Variants in NBL1 observed in about 807,000 individuals in gnomAD.
The protein encoded by NBL1 is neuroblastoma suppressor of tumorigenicity 1.
Under a neutral mutation model 16.0 loss-of-function variants are expected in NBL1, and 9 were observed. The ratio of observed to expected loss-of-function variants is 0.56; its 90% confidence interval spans 0.34 to 0.98. The LOEUF (loss-of-function observed/expected upper bound fraction) is 0.98, where lower values mean the gene tolerates loss of function less well. Ranked by LOEUF, NBL1 falls within the 50% of genes least tolerant of loss-of-function variation. The probability of loss-of-function intolerance (pLI) is 0.02; values close to 1 mark genes in which losing one functional copy is unlikely to be tolerated. For missense variants in NBL1, 196 were observed against 243.1 expected, an observed-to-expected ratio of 0.81 and a Z score of 1.29; for synonymous variants, 86 against 100.7, an observed-to-expected ratio of 0.85 and a Z score of 0.87.
intron 3 of NBL1, among the ~76,000 whole-genome samples, chr1:19,656,243 T>C (rs1408076842): frequency 6.6e-6 from 1 of 151,806 alleles, no homozygotes; most frequent in Non-Finnish European, 1.5e-5. Context: ...AAAAAGGTAC[T>C]TAGATGGGTG....
chr1:19,655,425 T>C lies in NBL1; in HGVS notation c.272T>C (p.Met91Thr), dbSNP rs374085720. 2.5e-6 allele frequency: 4 copies of C among 1,614,034 alleles called. No individual in the cohort carries two copies. The highest frequency in any genetic ancestry group is 3.4e-6 in the Non-Finnish European group (4 of 1,179,988). Residue 91 changes from methionine to threonine, a missense_variant, in exon 3 of 4, where the codon ATG becomes ACG. Transcript: ENST00000375136. ...GACTCCTGCATGCCAGCCCAGTCCATGTGGGAGATTGTGAGTACTGCCTGC... is the reference window on the plus strand; with the variant it reads ...GACTCCTGCATGCCAGCCCAGTCCACGTGGGAGATTGTGAGTACTGCCTGC... ...HCDSCMPAQS[M>T]WEIVTLECPG...
At chr1:19,645,451 AC>A (rs1458610568) in intron 1 of NBL1, 2 of 989,680 alleles carry the variant, frequency 2.0e-6, no homozygotes, top group African/African-American at 3.5e-5. Flanking sequence ...AGAAAGCCAC[AC>A]TTCCAGGCTT....
chr1:19,645,894 G>A, intron 1 of NBL1: 1 of 1,545,962 alleles, frequency 6.5e-7, no homozygotes, highest in South Asian at 1.2e-5. Flanking sequence ...AGGGTCGGAG[G>A]CTGCCGGAGC....
intron 1 of NBL1, chr1:19,645,456 C>T: frequency 3.0e-6 from 3 of 992,162 alleles, no homozygotes; most frequent in Non-Finnish European, 3.6e-6. Flanking sequence ...GCCACACTTC[C>T]AGGCTTTCGG....
At chr1:19,643,415 C>T, upstream of NBL1, 1 of 1,613,030 alleles carries the variant, frequency 6.2e-7, no homozygotes. The surrounding 1 kb of genome is among the most constrained non-coding windows in gnomAD (Gnocchi z 4.7). Flanking sequence ...TGCTGTAAAG[C>T]AAAATCCCCA....
At position 19,658,156 on chromosome 1, in the gene NBL1, G is replaced by A. The variant is rs529535662; in HGVS notation, c.*1027G>A. The stretch of plus-strand genomic sequence containing the variant: ...TGCGTGGACAGTCAGGGTTCACTTG[G>A]GCTCTCTCTAGCTCCCCAATTCTGC... On this transcript the variant is annotated 3_prime_UTR_variant, in exon 4 of 4. Coordinates refer to ENST00000375136, the MANE Select transcript of NBL1 (RefSeq NM_005380.8). The A allele has an allele frequency of 2.0e-5, 3 of 152,810 alleles. 1 individual carries two copies. The highest frequency in any genetic ancestry group is 4.8e-5 in the African/African-American group (2 of 41,444). The allele number at this position is 152,810 out of a possible 1,614,324, so 9.5% of individuals were successfully genotyped here. A position where few individuals can be genotyped will look rare whatever the true frequency, so the allele number is the denominator to read the frequency against.
chr1:19,643,365 T>TG (rs1254325092), upstream of NBL1: 1 of 1,613,954 alleles, frequency 6.2e-7, no homozygotes, highest in Admixed American at 1.7e-5. This position sits in a 1 kb window ranked among gnomAD's most constrained non-coding sequence, Gnocchi z 4.7. Flanking sequence ...TCTGGAAGTT[T>TG]CCAGCCAAGC....
In NBL1 at chr1:19,653,480, G is replaced by C. The variant is rs185940040; in HGVS notation, c.-19-1532G>C. Among the ~76,000 whole-genome samples, 29 of 152,250 alleles carry C rather than the reference G, an allele frequency of 1.9e-4. No homozygotes were observed. In the East Asian group the frequency reaches 5.2e-3, roughly 27 times the overall value. On this transcript the variant is annotated intron_variant, in intron 1 of 3. Transcript: ENST00000375136. ...AGGCCCCTCTAGGGACTGTCCCAAG[G>C]TAAAGAATCCCTGACTGAGCGCATA...
intron 1 of NBL1, among the ~76,000 whole-genome samples, chr1:19,646,480 G>A (rs1054662745): frequency 1.3e-5 from 2 of 152,316 alleles, no homozygotes; most frequent in East Asian, 1.9e-4. Context: ...GACCAGAGCC[G>A]GGGCCTGACC....
At chr1:19,644,058 C>G (rs2094962246), upstream of NBL1, 2 of 977,022 alleles carry the variant, frequency 2.0e-6, no homozygotes, top group South Asian at 9.5e-5. The surrounding 1 kb of genome is among the most constrained non-coding windows in gnomAD (Gnocchi z 4.6). Context: ...CGGGCGCCGG[C>G]CAGGCGTCCC....
chr1:19,648,293 G>A (rs2094996890), intron 1 of NBL1, among the ~76,000 whole-genome samples: 2 of 152,128 alleles, frequency 1.3e-5, no homozygotes, highest in South Asian at 4.1e-4. Context: ...GGGCTGGGGG[G>A]CCTCAGTGGC....
chr1:19,647,974 G>A (rs1488164081), intron 1 of NBL1, among the ~76,000 whole-genome samples: 7 of 152,048 alleles, frequency 4.6e-5, no homozygotes, highest in East Asian at 1.9e-4. Flanking sequence ...TGTGTTCTGC[G>A]TTCATAGGGG....
At chr1:19,654,045 C>T (rs2095042608) in intron 1 of NBL1, among the ~76,000 whole-genome samples, 1 of 152,202 alleles carries the variant, frequency 6.6e-6, no homozygotes, top group African/African-American at 2.4e-5. Context: ...GGTGAGGCAT[C>T]TTAGAGAACA....
intron 3 of NBL1, among the ~76,000 whole-genome samples, chr1:19,656,436 G>C (rs920679606): frequency 2.0e-5 from 3 of 151,308 alleles, no homozygotes; most frequent in African/African-American, 7.3e-5. Context: ...CAGGCAAAGG[G>C]AACAGCATGT....
chr1:19,657,230 G>A lies in NBL1; in HGVS notation c.*101G>A, dbSNP rs2095061593. ...AAGCTGAAGCCCCCCTTTGGCACTG[G>A]ATGGACTTGGCTTCAGACTCGGACT... On this transcript the variant is annotated 3_prime_UTR_variant, in exon 4 of 4. Coordinates refer to ENST00000375136, the MANE Select transcript of NBL1 (RefSeq NM_005380.8). The A allele has an allele frequency of 1.7e-6, 1 of 602,896 alleles. No homozygotes were observed. The highest frequency in any genetic ancestry group is 3.0e-5 in the Admixed American group (1 of 33,770). The allele number at this position is 602,896 out of a possible 1,614,324, so 37.3% of individuals were successfully genotyped here.
Position 19,644,567 on chromosome 1 carries a change from G to T in NBL1, c.-20+121G>T, listed in dbSNP as rs1252794787. On this transcript the variant is annotated intron_variant, in intron 1 of 3. Coordinates refer to ENST00000375136, the MANE Select transcript of NBL1 (RefSeq NM_005380.8). The surrounding 1 kb of genome is among the most constrained non-coding windows in gnomAD (Gnocchi z 4.6). ...GGCGCGTCCGGCGGCCGCGGGCACC[G>T]GGTGGAGGCGCCGCCGCCGAGCTCA... is the stretch of plus-strand genomic sequence containing the variant. 1.9e-6 allele frequency: 1 copy of T among 523,192 alleles called. No homozygotes were observed. The highest frequency in any genetic ancestry group is 2.0e-5 in the African/African-American group (1 of 48,908). The allele number at this position is 523,192 out of a possible 1,614,324, so 32.4% of individuals were successfully genotyped here.
At chr1:19,654,006 G>A (rs2095042426) in intron 1 of NBL1, among the ~76,000 whole-genome samples, 1 of 152,232 alleles carries the variant, frequency 6.6e-6, no homozygotes, top group Non-Finnish European at 1.5e-5. Context: ...ACAGTGATCT[G>A]TGTAGAGCCC....
chr1:19,648,050 T>C (rs1286614043), intron 1 of NBL1, among the ~76,000 whole-genome samples: 1 of 152,164 alleles, frequency 6.6e-6, no homozygotes, highest in African/African-American at 2.4e-5. Flanking sequence ...GGATACACTC[T>C]ACCTTGAAAA....
At chr1:19,647,850 G>GGTGT (rs71579812) in intron 1 of NBL1, among the ~76,000 whole-genome samples, 2,836 of 143,336 alleles carry the variant, frequency 0.02, 87 homozygotes, top group African/African-American at 0.071. Flanking sequence ...GGAAAGGCCT[G>GGTGT]GTGTGTGTGT....
Sources: allele counts gnomAD v4.1 joint callset (sites outside exome capture counted in the v4.1 genomes callset), GRCh38; gene constraint gnomAD v4.1.1; non-coding constraint Gnocchi (gnomAD v3.1); transcripts MANE v1.5; gene names NCBI Gene and HGNC (gene_info 2026-07-23, HGNC 2026-07-21).